PRDM1: variants seen among roughly 807,000 people sequenced by gnomAD.
PRDM1 encodes PR domain zinc finger protein 1.
Under a neutral mutation model 62.8 loss-of-function variants are expected in PRDM1, and 13 were observed. That is an observed-to-expected ratio of 0.21 (90% confidence interval 0.13 to 0.33). The LOEUF (loss-of-function observed/expected upper bound fraction) is 0.33. Among genes scored for constraint, PRDM1 ranks in the 10% least tolerant of loss-of-function variants. The pLI, the probability that PRDM1 is intolerant of heterozygous loss-of-function variation, is 1.00. For synonymous variants in PRDM1, 396 were observed against 417.6 expected, an observed-to-expected ratio of 0.95 and a Z score of 0.63; for missense variants, 895 against 1,058.8, an observed-to-expected ratio of 0.85 and a Z score of 2.15.
chr6:106,106,792 G>C lies in PRDM1; in HGVS notation c.1903-119G>C. ...ACCACACTGGAGGTGCCACAAGGAG[G>C]CTTCTCACCTCCTAGGTTGCTGGGC... On this transcript the variant is annotated intron_variant, in intron 6 of 6. Transcript: ENST00000369096. This position sits in a 1 kb window ranked among gnomAD's most constrained non-coding sequence, Gnocchi z 4.4. The C allele has an allele frequency of 8.5e-7, 1 of 1,174,170 alleles. No homozygotes were observed. Among genetic ancestry groups the C allele is most frequent in the South Asian group, 1.5e-5 (1 of 68,412 alleles). 72.7% of individuals were successfully genotyped at this position (1,174,170 alleles called of 1,614,324 possible).
chr6:106,053,564 T>C lies in PRDM1; in HGVS notation c.-67+4850T>C, dbSNP rs114610681. Among the ~76,000 whole-genome samples the C allele has an allele frequency of 7.4e-3, 1,128 of 152,268 alleles. 10 individuals are homozygous for C. Among genetic ancestry groups the C allele is most frequent in the African/African-American group, 0.026 (1,073 of 41,542 alleles). The stretch of plus-strand genomic sequence containing the variant: ...CTATTGTATCCATTATGTATTCTAA[T>C]AGAATACATAAGTATTGTATTGTAT... On this transcript the variant is annotated intron_variant, in intron 1 of 6. Coordinates refer to the PRDM1 transcript ENST00000651185.
upstream of PRDM1, among the ~76,000 whole-genome samples, chr6:106,044,684 A>G (rs766956540): frequency 6.6e-6 from 1 of 152,208 alleles, no homozygotes; most frequent in Non-Finnish European, 1.5e-5. Flanking sequence ...GATCATCACT[A>G]TCCTTGTGAT....
rs1167114534 is a variant in PRDM1, at chr6:106,108,585, T to C, written c.*1099T>C. On this transcript the variant is annotated 3_prime_UTR_variant, in exon 7 of 7. Transcript: ENST00000369096. ...AACATGGTGCTCTACCAGGAAGGAT[T>C]CGAGGTAGATAGGCTCAGGCCACAC... The C allele has an allele frequency of 4.3e-6, 1 of 229,970 alleles. No homozygotes were observed. The highest frequency in any genetic ancestry group is 2.3e-5 in the African/African-American group (1 of 44,030). 14.2% of individuals were successfully genotyped at this position (229,970 alleles called of 1,614,324 possible).
chr6:106,106,493 A>G lies in PRDM1; in HGVS notation c.1896A>G (p.Glu632=). 6.2e-7 allele frequency: 1 copy of G among 1,614,198 alleles called. No homozygotes were observed. The highest frequency in any genetic ancestry group is 8.5e-7 in the Non-Finnish European group (1 of 1,180,026). Residue 632 remains glutamate (E), a synonymous_variant, in exon 6 of 7, where the codon GAA becomes GAG. Coordinates refer to ENST00000369096, the MANE Select transcript of PRDM1 (RefSeq NM_001198.4). The surrounding 1 kb of genome is among the most constrained non-coding windows in gnomAD (Gnocchi z 4.4). Reference sequence around the variant, plus strand: ...TACACACGGGAGAAAAGCCACATGAATGCCAGGTGCGCAGTATTTTCTGGG... The same window carrying G: ...TACACACGGGAGAAAAGCCACATGAGTGCCAGGTGCGCAGTATTTTCTGGG... ...YLVHTGEKPH[E]CQVCHKRFSS...
chr6:106,057,964 C>T (rs912515365), intron 1 of PRDM1, among the ~76,000 whole-genome samples: 1 of 152,158 alleles, frequency 6.6e-6, no homozygotes, highest in African/African-American at 2.4e-5. Context: ...TGAATTTGTG[C>T]CGGTTTCTCC....
rs1774541463 is a variant in PRDM1 at position 106,107,691 on chromosome 6, T to TATAC, written c.*208_*209insCATA. On this transcript the variant is annotated 3_prime_UTR_variant, in exon 7 of 7. Coordinates refer to ENST00000369096, the MANE Select transcript of PRDM1 (RefSeq NM_001198.4). Reference sequence around the variant, plus strand: ...AAGGCAAAGGCCATATATATATATATATATATATCTGTATACATATTATAT... The same window carrying TATAC: ...AAGGCAAAGGCCATATATATATATATATACATATATATCTGTATACATATTATAT... 4.5e-6 allele frequency: 1 copy of TATAC among 223,768 alleles called. No homozygotes were observed. The allele number at this position is 223,768 out of a possible 1,614,324, so 13.9% of individuals were successfully genotyped here. A position where few individuals can be genotyped will look rare whatever the true frequency, so the allele number is the denominator to read the frequency against.
At chr6:106,093,368 G>A (rs1400883760) in intron 2 of PRDM1, among the ~76,000 whole-genome samples, 1 of 152,190 alleles carries the variant, frequency 6.6e-6, no homozygotes, top group Non-Finnish European at 1.5e-5. Flanking sequence ...TGACTCCCAA[G>A]ACACCATCTG....
rs202086173 is a variant in PRDM1, at chr6:106,015,582, G to A, written c.-67+21943G>A. On this transcript the variant is annotated intron_variant, in intron 1 of 6. Coordinates refer to the PRDM1 transcript ENST00000652320. ...AGTAACAATGGTCTCTGGTGGACAGGTGTGGATGTAAGGGGTGGGTGGGAA... is the reference window on the plus strand; with the variant it reads ...AGTAACAATGGTCTCTGGTGGACAGATGTGGATGTAAGGGGTGGGTGGGAA... 2.4e-4 allele frequency among the ~76,000 whole-genome samples: 36 copies of A among 147,368 alleles called. 2 individuals are homozygous for A. In the South Asian group the frequency reaches 7.8e-3, roughly 32 times the overall value.
intron 1 of PRDM1, among the ~76,000 whole-genome samples, chr6:106,007,326 A>T (rs2064872605): frequency 6.6e-6 from 1 of 151,888 alleles, no homozygotes; most frequent in Non-Finnish European, 1.5e-5. Context: ...GCTACTCAGG[A>T]GGCTGAGGCA....
intron 1 of PRDM1, among the ~76,000 whole-genome samples, chr6:106,030,463 A>G (rs1425133354): frequency 6.6e-6 from 1 of 152,174 alleles, no homozygotes; most frequent in African/African-American, 2.4e-5. Context: ...GTGAGCCACC[A>G]TACCCAGCCC....
At chr6:106,084,325 A>G (rs1037981241), upstream of PRDM1, among the ~76,000 whole-genome samples, 2 of 152,222 alleles carry the variant, frequency 1.3e-5, no homozygotes, top group African/African-American at 4.8e-5. Flanking sequence ...CCACACTGGT[A>G]TTTGAAGTTT....
chr6:106,080,964 A>G (rs1298095679), intron 1 of PRDM1, among the ~76,000 whole-genome samples: 2 of 152,222 alleles, frequency 1.3e-5, no homozygotes, highest in Non-Finnish European at 2.9e-5. Context: ...TGGGCTGTAG[A>G]TGGAGAACAG....
chr6:105,993,854 T>C (rs62421070), intron 1 of PRDM1, among the ~76,000 whole-genome samples: 12,454 of 152,202 alleles, frequency 0.082, 916 homozygotes, highest in African/African-American at 0.19. Flanking sequence ...CTTCAGTCTT[T>C]TAAAACGGAG....
chr6:106,081,498 A>G (rs541727261), upstream of PRDM1, among the ~76,000 whole-genome samples: 1 of 152,256 alleles, frequency 6.6e-6, no homozygotes, highest in South Asian at 2.1e-4. Flanking sequence ...CTGCTTCCTG[A>G]CCTCTGGTCC....
At position 105,994,386 on chromosome 6, in the gene PRDM1, C is replaced by T. The variant is rs547490741; in HGVS notation, c.-67+747C>T. Among the ~76,000 whole-genome samples the T allele has an allele frequency of 4.0e-5, 6 of 150,788 alleles. No individual in the cohort carries two copies. The South Asian group carries it at 1.1e-3, about 26-fold the overall frequency. On this transcript the variant is annotated intron_variant, in intron 1 of 6. Transcript: ENST00000652320. The surrounding 1 kb of genome is among the most constrained non-coding windows in gnomAD (Gnocchi z 4.1). ...ATTGCGTAATTAAAAAAAAAAAATA[C>T]ACCACTGCCACCCTACAGCGACGCT... is the stretch of plus-strand genomic sequence containing the variant.
intron 1 of PRDM1, among the ~76,000 whole-genome samples, chr6:106,019,481 G>A (rs563962942): frequency 1.3e-5 from 2 of 151,282 alleles, no homozygotes; most frequent in South Asian, 2.1e-4. Context: ...TGATTAATTT[G>A]CGTTTTCACT....
At chr6:106,101,026 G>A (rs1436731755) in intron 4 of PRDM1, among the ~76,000 whole-genome samples, 1 of 152,060 alleles carries the variant, frequency 6.6e-6, no homozygotes. Context: ...TGTATGCCAT[G>A]CCCAGTGCTG....
chr6:106,008,155 G>A (rs923118791), intron 1 of PRDM1, among the ~76,000 whole-genome samples: 17 of 152,080 alleles, frequency 1.1e-4, no homozygotes, highest in South Asian at 2.1e-4. Flanking sequence ...GGTGGATCAC[G>A]AGGTCAAGAG....
In PRDM1 at chr6:106,106,979, A is replaced by G. The variant is rs1272465944; in HGVS notation, c.1971A>G (p.Lys657=). 6.2e-7 allele frequency: 1 copy of G among 1,614,138 alleles called. No individual in the cohort carries two copies. The highest frequency in any genetic ancestry group is 1.7e-5 in the Admixed American group (1 of 60,020). ...KTHLRLHSGE[K]PYQCKVCPAK... is the part of the protein sequence containing the mutation. ...ACCTGCGACTCCATTCTGGAGAGAA[A>G]CCATACCAATGCAAGGTGTGCCCTG... The change falls in exon 7 of 7, where the codon AAA becomes AAG. Residue 657 remains lysine (K), a synonymous_variant. Coordinates refer to ENST00000369096, the MANE Select transcript of PRDM1 (RefSeq NM_001198.4). The surrounding 1 kb of genome is among the most constrained non-coding windows in gnomAD (Gnocchi z 4.4).
Sources: gnomAD v4.1 joint callset for allele counts (sites outside exome capture counted in the v4.1 genomes callset) on GRCh38, gnomAD v4.1.1 for gene constraint, Gnocchi (gnomAD v3.1) non-coding constraint, MANE v1.5 for transcripts, NCBI Gene and HGNC (gene_info 2026-07-23, HGNC 2026-07-21) for gene names.